The following RBFOX3 variants were observed in gnomAD, a reference collection of about 807,000 sequenced individuals.
RBFOX3 encodes the protein RNA binding protein fox-1 homolog 3.
In RBFOX3, 17 loss-of-function variants were observed where a neutral mutation model predicts 48.7. That is an observed-to-expected ratio of 0.35 (90% CI 0.24 to 0.52). RBFOX3 has a LOEUF of 0.52. RBFOX3 is among the 20% of genes least tolerant of loss of function. RBFOX3 has a pLI of 0.94. For missense variants in RBFOX3, 382 were observed against 497.5 expected (o/e 0.77, Z 2.21); for synonymous variants, 212 against 209.5 (o/e 1.01, Z -0.10).
At chr17:79,316,189 A>AGGGGCT (rs2077519964) in intron 2 of RBFOX3, among the ~76,000 whole-genome samples, 1 of 146,298 alleles carries the variant, frequency 6.8e-6, no homozygotes, top group Non-Finnish European at 1.5e-5. Context: ...TGGAGGGTGG[A>AGGGGCT]GGGGCTGGGG....
chr17:79,437,718 AC>A (rs1294277467), intron 2 of RBFOX3, among the ~76,000 whole-genome samples: 5 of 152,132 alleles, frequency 3.3e-5, no homozygotes, highest in Admixed American at 1.3e-4. Context: ...CAGACTTCCC[AC>A]CCTAGGCCGG....
chr17:79,274,350 T>C (rs2068313261), intron 3 of RBFOX3, among the ~76,000 whole-genome samples: 1 of 152,156 alleles, frequency 6.6e-6, no homozygotes, highest in African/African-American at 2.4e-5. Flanking sequence ...TACCGCCTCA[T>C]CGGATGTCAT....
rs566304852 is a variant in RBFOX3, at chr17:79,176,327, G to A, written c.-34+59439C>T. Among the ~76,000 whole-genome samples, 31 of 152,290 alleles carry A rather than the reference G, an allele frequency of 2.0e-4. 1 individual carries two copies. In the South Asian group the frequency reaches 2.9e-3, roughly 14 times the overall value. On this transcript the variant is annotated intron_variant, in intron 4 of 14. Coordinates refer to ENST00000693108, the MANE Select transcript of RBFOX3 (RefSeq NM_001350451.2). Reference sequence around the variant, plus strand: ...TGTCGGGCCCATCTCTGTTGAGCTGGTAAGGGACCCACTGTCCACAGTTCA... The same window carrying A: ...TGTCGGGCCCATCTCTGTTGAGCTGATAAGGGACCCACTGTCCACAGTTCA...
intron 1 of RBFOX3, among the ~76,000 whole-genome samples, chr17:79,576,728 GATGGAGATGATGGAGATC>G (rs2092875953): frequency 6.6e-6 from 1 of 152,078 alleles, no homozygotes; most frequent in Admixed American, 6.6e-5. Context: ...TCATGCAGAA[GATGGAGATGATGGAGATC>G]ATGGAGATGA....
chr17:79,237,387 A>G (rs577234765), intron 3 of RBFOX3, among the ~76,000 whole-genome samples: 2 of 152,196 alleles, frequency 1.3e-5, no homozygotes, highest in African/African-American at 4.8e-5. Flanking sequence ...GCAGGCAGGT[A>G]CACTTCTTAC....
rs951634244 is a variant in RBFOX3, at chr17:79,113,738, C to A, written c.222+1756G>T. 2.6e-5 allele frequency among the ~76,000 whole-genome samples: 4 copies of A among 152,218 alleles called. No individual in the cohort carries two copies. In the East Asian group the frequency reaches 7.7e-4, roughly 29 times the overall value. ...CACGGGCAAGCCAGACCCAAGCCAG[C>A]CTCTGTTTCTGACTTTCCTGTCCTT... On this transcript the variant is annotated intron_variant, in intron 5 of 14. Transcript: ENST00000693108.
intron 3 of RBFOX3, among the ~76,000 whole-genome samples, chr17:79,291,544 G>A (rs1175291927): frequency 6.6e-6 from 1 of 152,186 alleles, no homozygotes; most frequent in Non-Finnish European, 1.5e-5. Flanking sequence ...GGGGCTGAGG[G>A]CACACTCAGA....
intron 12 of RBFOX3, among the ~76,000 whole-genome samples, chr17:79,096,013 G>T (rs1056034087): frequency 1.3e-5 from 2 of 152,220 alleles, no homozygotes; most frequent in Non-Finnish European, 2.9e-5. Context: ...AGTGACTCTG[G>T]ATAGTGTCCT....
intron 2 of RBFOX3, among the ~76,000 whole-genome samples, chr17:79,339,653 C>T (rs757056352): frequency 6.6e-5 from 10 of 152,270 alleles, no homozygotes; most frequent in East Asian, 1.9e-4. Flanking sequence ...CTGAGCCTGC[C>T]GGTCTGGAGG....
intron 4 of RBFOX3, among the ~76,000 whole-genome samples, chr17:79,222,956 T>A (rs1045582642): frequency 6.6e-6 from 1 of 152,108 alleles, no homozygotes; most frequent in Non-Finnish European, 1.5e-5. Context: ...AGTGGTGAAT[T>A]TCTGGCTGCA....
intron 2 of RBFOX3, among the ~76,000 whole-genome samples, chr17:79,348,846 T>A (rs2006744): frequency 1.3e-5 from 2 of 151,586 alleles, no homozygotes; most frequent in Non-Finnish European, 2.9e-5. Flanking sequence ...AAAGTGCTGG[T>A]ATTACAGACA....
intron 1 of RBFOX3, among the ~76,000 whole-genome samples, chr17:79,559,580 T>TG (rs1387210411): frequency 2.1e-5 from 2 of 93,262 alleles, no homozygotes; most frequent in Non-Finnish European, 4.2e-5. Context: ...GGTGAGTGGG[T>TG]GGGGGGGTGG....
At chr17:79,348,124 A>C (rs1035307679) in intron 2 of RBFOX3, among the ~76,000 whole-genome samples, 3 of 152,170 alleles carry the variant, frequency 2.0e-5, no homozygotes, top group African/African-American at 7.2e-5. Flanking sequence ...GGACCTCCCC[A>C]AGCCTGAAAT....
rs147314332 is a variant in RBFOX3, at chr17:79,323,509, C to T, written c.-174-15685G>A. On this transcript the variant is annotated intron_variant, in intron 2 of 14. Coordinates refer to ENST00000693108, the MANE Select transcript of RBFOX3 (RefSeq NM_001350451.2). ...ACCTTGCCACCCTGGGTGATGATAA[C>T]GGTAGCACGTTTTGCAGCCAGGAGA... 2.2e-3 allele frequency among the ~76,000 whole-genome samples: 337 copies of T among 152,306 alleles called. 1 individual carries two copies. The highest frequency in any genetic ancestry group is 7.8e-3 in the African/African-American group (323 of 41,556).
intron 4 of RBFOX3, among the ~76,000 whole-genome samples, chr17:79,181,724 C>T (rs1000768825): frequency 6.6e-6 from 1 of 152,222 alleles, no homozygotes; most frequent in African/African-American, 2.4e-5. Flanking sequence ...GTTCCCCTGT[C>T]CCTCTGCGGC....
intron 2 of RBFOX3, among the ~76,000 whole-genome samples, chr17:79,427,640 G>A (rs1410186090): frequency 1.3e-5 from 2 of 152,204 alleles, no homozygotes; most frequent in African/African-American, 4.8e-5. Context: ...ACCCTTGTTA[G>A]GACACAGCTA....
At position 79,311,908 on chromosome 17, in the gene RBFOX3, C is replaced by T. The variant is rs1341773666; in HGVS notation, c.-174-4084G>A. On this transcript the variant is annotated intron_variant, in intron 2 of 14. Coordinates refer to ENST00000693108, the MANE Select transcript of RBFOX3 (RefSeq NM_001350451.2). The surrounding 1 kb of genome is among the most constrained non-coding windows in gnomAD (Gnocchi z 4.2). ...CGGCCCTCCTGAATGTAAGGTCAGG[C>T]GCGGCTGTGATGAGGACAACCCAGG... 2.6e-5 allele frequency among the ~76,000 whole-genome samples: 4 copies of T among 152,090 alleles called. No individual in the cohort carries two copies. In the East Asian group the frequency reaches 5.8e-4, roughly 22 times the overall value.
chr17:79,091,823 G>C (rs1007528459), intron 14 of RBFOX3: 1 of 456,502 alleles, frequency 2.2e-6, no homozygotes, highest in African/African-American at 2.1e-5. Context: ...CCTGAGGAGC[G>C]ACCAGGACGT....
At chr17:79,655,272 G>A in the RBFOX3 span, among the ~76,000 whole-genome samples, 15 of 152,182 alleles carry the variant, frequency 9.9e-5, no homozygotes, top group South Asian at 4.1e-4. Context: ...AGTCACTGAC[G>A]GTGGCCAGGC....
Sources: allele counts gnomAD v4.1 joint callset (sites outside exome capture counted in the v4.1 genomes callset), GRCh38; gene constraint gnomAD v4.1.1; non-coding constraint Gnocchi (gnomAD v3.1); transcripts MANE v1.5; gene names NCBI Gene and HGNC (gene_info 2026-07-23, HGNC 2026-07-21).